Variants in SIM2 observed in about 807,000 individuals in gnomAD.
SIM2 encodes the protein SIM bHLH transcription factor 2, also known as single-minded homolog 2.
A neutral mutation model predicts 64.8 loss-of-function variants in SIM2; 28 were observed. The observed-to-expected ratio is 0.43, with a 90% confidence interval of 0.32 to 0.59. The LOEUF (loss-of-function observed/expected upper bound fraction) is 0.59. Among genes scored for constraint, SIM2 ranks in the 20% least tolerant of loss-of-function variants. The pLI, the probability that SIM2 is intolerant of heterozygous loss-of-function variation, is 0.07. For synonymous variants in SIM2, 408 were observed against 391.1 expected, an observed-to-expected ratio of 1.04 and a Z score of -0.51; for missense variants, 847 against 871.4, an observed-to-expected ratio of 0.97 and a Z score of 0.35.
In SIM2 at chr21:36,737,466, AG is replaced by A. The variant is rs552246235; in HGVS notation, c.851-4244del. Among the ~76,000 whole-genome samples the A allele has an allele frequency of 3.7e-3, 566 of 152,200 alleles. 4 individuals carry two copies. The highest frequency in any genetic ancestry group is 5.4e-3 in the Non-Finnish European group (367 of 68,018). On this transcript the variant is annotated intron_variant, in intron 7 of 10. Transcript: ENST00000290399. ...TTGTGATCTGTTGACCCAGACCCTCAGGGGGGGCTGAGCACAGCCTGGTCCA... is the reference window on the plus strand; with the variant it reads ...TTGTGATCTGTTGACCCAGACCCTCAGGGGGGCTGAGCACAGCCTGGTCCA...
At position 36,749,322 on chromosome 21, in the gene SIM2, C is replaced by T. The variant is rs550927967; in HGVS notation, c.*1230C>T. ...ACACTGCAGCATTTTGCTGCTTTAT[C>T]AAAATGGTTTATTTTAGGAAACTTT... On this transcript the variant is annotated 3_prime_UTR_variant, in exon 11 of 11. Coordinates refer to ENST00000290399, the MANE Select transcript of SIM2 (RefSeq NM_005069.6). 3 of 152,648 alleles carry T rather than the reference C, an allele frequency of 2.0e-5. No homozygotes were observed. The highest frequency in any genetic ancestry group is 3.9e-4 in the East Asian group (2 of 5,192). 9.5% of individuals were successfully genotyped at this position (152,648 alleles called of 1,614,324 possible).
At chr21:36,714,226 T>C (rs1166779621) in intron 3 of SIM2, among the ~76,000 whole-genome samples, 1 of 152,202 alleles carries the variant, frequency 6.6e-6, no homozygotes, top group Non-Finnish European at 1.5e-5. Flanking sequence ...TACTTACCTT[T>C]TTTAGTCATT....
At chr21:36,742,115 G>A (rs1325493702) in intron 8 of SIM2, among the ~76,000 whole-genome samples, 1 of 151,938 alleles carries the variant, frequency 6.6e-6, no homozygotes, top group African/African-American at 2.4e-5. Context: ...GCCTGCCCTG[G>A]GCATAGCTTC....
chr21:36,714,697 C>T (rs1276286249), intron 3 of SIM2, among the ~76,000 whole-genome samples: 4 of 152,188 alleles, frequency 2.6e-5, no homozygotes, highest in African/African-American at 9.7e-5. Flanking sequence ...TGTGCACATC[C>T]CAAGAGATCC....
At chr21:36,740,167 T>C (rs944284551) in intron 7 of SIM2, among the ~76,000 whole-genome samples, 1 of 151,998 alleles carries the variant, frequency 6.6e-6, no homozygotes, top group Admixed American at 6.5e-5. Context: ...GTTTTTTAGT[T>C]ATATTCACAG....
At chr21:36,702,057 G>C (rs929342984) in intron 1 of SIM2, among the ~76,000 whole-genome samples, 1 of 152,222 alleles carries the variant, frequency 6.6e-6, no homozygotes, top group Non-Finnish European at 1.5e-5. Context: ...GGATTTCCCG[G>C]AGAGCCTGTT....
Position 36,723,076 on chromosome 21 carries a change from A to C in SIM2, c.489A>C (p.Arg163=). ...EYEIERSFFL[R]MKCVLAKRNA... The stretch of plus-strand genomic sequence containing the variant: ...AGATAGAGAGGTCGTTCTTTCTTCG[A>C]ATGAAATGTGTCTTGGCGAAAAGGA... Residue 163 remains arginine, a synonymous_variant, in exon 5 of 11, where the codon CGA becomes CGC. Coordinates refer to ENST00000290399, the MANE Select transcript of SIM2 (RefSeq NM_005069.6). 6.2e-7 allele frequency: 1 copy of C among 1,614,136 alleles called. No homozygotes were observed.
At chr21:36,700,718 G>A (rs1473580313) in intron 1 of SIM2, among the ~76,000 whole-genome samples, 1 of 152,220 alleles carries the variant, frequency 6.6e-6, no homozygotes, top group Non-Finnish European at 1.5e-5. Flanking sequence ...CGTGAGGCTG[G>A]GGTGCGGGAA....
At chr21:36,712,815 T>C (rs998973229) in intron 3 of SIM2, among the ~76,000 whole-genome samples, 193 bp downstream of exon 3, 2 of 152,228 alleles carry the variant, frequency 1.3e-5, no homozygotes, top group Admixed American at 1.3e-4. Context: ...TTTTACTTTT[T>C]TACTTTCTTT....
chr21:36,722,142 A>T (rs1469216129), intron 4 of SIM2, among the ~76,000 whole-genome samples: 1 of 152,126 alleles, frequency 6.6e-6, no homozygotes, highest in African/African-American at 2.4e-5. Flanking sequence ...CAGTTGATGT[A>T]TTTTTAGACC....
At chr21:36,744,194 T>C (rs1231069237) in intron 9 of SIM2, among the ~76,000 whole-genome samples, 1 of 151,962 alleles carries the variant, frequency 6.6e-6, no homozygotes, top group Non-Finnish European at 1.5e-5. Flanking sequence ...ACAGTGCCAC[T>C]GCACTCCAGC....
At chr21:36,705,006 G>T (rs1020090363) in intron 1 of SIM2, among the ~76,000 whole-genome samples, 1 of 152,214 alleles carries the variant, frequency 6.6e-6, no homozygotes, top group Admixed American at 6.5e-5. Context: ...GGGAAAGGAG[G>T]CTTAGAGGCT....
At chr21:36,713,593 T>C (rs1005049483) in intron 3 of SIM2, among the ~76,000 whole-genome samples, 29 of 152,226 alleles carry the variant, frequency 1.9e-4, no homozygotes, top group African/African-American at 6.5e-4. Context: ...GAGGCCCATA[T>C]TGAATTTGAA....
Position 36,726,296 on chromosome 21 carries a change from A to G in SIM2, c.721A>G (p.Lys241Glu). The G allele has an allele frequency of 6.2e-7, 1 of 1,613,052 alleles. No individual in the cohort carries two copies. The highest frequency in any genetic ancestry group is 8.5e-7 in the Non-Finnish European group (1 of 1,179,818). Residue 241 changes from lysine (K) to glutamate (E), a missense_variant, in exon 6 of 11, where the codon AAG (lysine) becomes GAG (glutamate). Physicochemically the swap from Lys to Glu is moderately conservative, Grantham distance 56. Around this residue, in one of 3 missense-constraint regions of SIM2, gnomAD observed 397 missense variants for 439.2 expected, o/e 0.90. Transcript: ENST00000290399. The surrounding 1 kb of genome is among the most constrained non-coding windows in gnomAD (Gnocchi z 4.5). The stretch of plus-strand genomic sequence containing the variant: ...CATGTTCAGGGCCAGCCTTGACCTG[A>G]AGCTGATATTCCTGGATTCCAGGTG... ...MFMFRASLDL[K>E]LIFLDSRVTE...
chr21:36,737,734 C>T (rs189659633), intron 7 of SIM2, among the ~76,000 whole-genome samples: 142 of 152,040 alleles, frequency 9.3e-4, no homozygotes, highest in African/African-American at 3.2e-3. Context: ...CCAAGGCGGG[C>T]GGGTCACTTG....
chr21:36,747,691 G>C lies in SIM2; in HGVS notation c.1603G>C (p.Gly535Arg). 7.8e-7 allele frequency: 1 copy of C among 1,283,260 alleles called. No individual in the cohort carries two copies. The highest frequency in any genetic ancestry group is 9.9e-7 in the Non-Finnish European group (1 of 1,013,320). The allele number at this position is 1,283,260 out of a possible 1,614,324, so 79.5% of individuals were successfully genotyped here. A position where few individuals can be genotyped will look rare whatever the true frequency, so the allele number is the denominator to read the frequency against. Residue 535 changes from glycine (G) to arginine (R), a missense_variant, in exon 11 of 11, where the codon GGC (glycine) becomes CGC (arginine). By Grantham distance (125) the Gly-to-Arg change is moderately radical. Around this residue, in one of 3 missense-constraint regions of SIM2, gnomAD observed 447 missense variants for 414.6 expected, o/e 1.08. Coordinates refer to ENST00000290399, the MANE Select transcript of SIM2 (RefSeq NM_005069.6). The surrounding 1 kb of genome is among the most constrained non-coding windows in gnomAD (Gnocchi z 4.5). ...GCCCGCCGCCGCCGTGCGCAGGTTC[G>C]GCGAGGACACCGCGCCCCCGAGCTT... ...EAPAAAVRRFGEDTAPPSFPS... is the reference protein window; with the variant it reads ...EAPAAAVRRFREDTAPPSFPS...
chr21:36,731,049 A>T lies in SIM2; in HGVS notation c.748A>T (p.Thr250Ser). The T allele has an allele frequency of 6.2e-7, 1 of 1,613,608 alleles. No individual in the cohort carries two copies. Among genetic ancestry groups the T allele is most frequent in the South Asian group, 1.1e-5 (1 of 91,056 alleles). Residue 250 changes from threonine (T) to serine (S), a missense_variant, in exon 7 of 11, where the codon ACC (threonine) becomes TCC (serine). Thr to Ser is a moderately conservative substitution (Grantham distance 58). Transcript: ENST00000290399. Reference protein sequence around the residue: ...LKLIFLDSRVTEVTGYEPQDL... With the variant: ...LKLIFLDSRVSEVTGYEPQDL... ...TGAGCTGCCATGCCCCCACAGGGTG[A>T]CCGAGGTGACGGGGTACGAGCCGCA...
chr21:36,742,645 C>T (rs917637374), intron 8 of SIM2, among the ~76,000 whole-genome samples: 1 of 152,096 alleles, frequency 6.6e-6, no homozygotes, highest in Non-Finnish European at 1.5e-5. Context: ...AGCTATTGTA[C>T]GTTCAATCAC....
At chr21:36,728,667 G>C (rs2845788) in intron 6 of SIM2, among the ~76,000 whole-genome samples, 3 of 152,240 alleles carry the variant, frequency 2.0e-5, no homozygotes, top group Non-Finnish European at 4.4e-5. Context: ...ATGCTGCAGA[G>C]GCCTTCCCAG....
Sources: allele counts gnomAD v4.1 joint callset (sites outside exome capture counted in the v4.1 genomes callset), GRCh38; gene constraint gnomAD v4.1.1; regional missense constraint gnomAD v4.1.1; non-coding constraint Gnocchi (gnomAD v3.1); transcripts MANE v1.5; gene names NCBI Gene and HGNC (gene_info 2026-07-23, HGNC 2026-07-21).